Variants in ERMP1 observed in about 807,000 individuals in gnomAD.
ERMP1 encodes the protein Felix-ina.
ERMP1 carries 86 observed loss-of-function variants against 92.0 expected under a neutral mutation model. That is an observed-to-expected ratio of 0.93 (90% confidence interval 0.79 to 1.12). The LOEUF is 1.12. Ranked by LOEUF, ERMP1 falls within the 50% of genes most tolerant of loss-of-function variation. The pLI is 0.00. For missense variants in ERMP1, 1,342 were observed against 1,116.3 expected, an observed-to-expected ratio of 1.20 and a Z score of -2.88; for synonymous variants, 530 against 412.8, an observed-to-expected ratio of 1.28 and a Z score of -3.44.
chr9:5,819,796 A>G (rs1195905242), intron 4 of ERMP1, among the ~76,000 whole-genome samples: 1 of 152,198 alleles, frequency 6.6e-6, no homozygotes, highest in African/African-American at 2.4e-5. Flanking sequence ...GTATGATTAC[A>G]TTTATATGAA....
chr9:5,853,827 C>T (rs573898410), intron 6 of ERMP1, among the ~76,000 whole-genome samples: 6 of 150,416 alleles, frequency 4.0e-5, no homozygotes, highest in Non-Finnish European at 5.9e-5. Flanking sequence ...AATTCTAACA[C>T]GCTCTCTAGA....
At chr9:5,806,349 T>A (rs1344612126) in intron 8 of ERMP1, among the ~76,000 whole-genome samples, 1 of 152,264 alleles carries the variant, frequency 6.6e-6, no homozygotes, top group East Asian at 1.9e-4. Context: ...TAAAATTTGA[T>A]CTTACAGTTT....
intron 2 of ERMP1, among the ~76,000 whole-genome samples, chr9:5,825,567 C>T (rs1012109165): frequency 6.6e-6 from 1 of 152,198 alleles, no homozygotes; most frequent in Non-Finnish European, 1.5e-5. Flanking sequence ...ATTCTTTACC[C>T]GTATTCCACA....
At chr9:5,821,985 G>T (rs567243790) in intron 4 of ERMP1, among the ~76,000 whole-genome samples, 1 of 152,226 alleles carries the variant, frequency 6.6e-6, no homozygotes, top group African/African-American at 2.4e-5. Context: ...CGGGCGTGGT[G>T]GCTCGTGCCT....
At chr9:5,833,585 G>C (rs542311793), upstream of ERMP1, among the ~76,000 whole-genome samples, 5 of 152,290 alleles carry the variant, frequency 3.3e-5, no homozygotes, top group Admixed American at 2.6e-4. Context: ...CCATTTAACA[G>C]ATAAAGAAAA....
At chr9:5,827,990 A>G (rs116917270) in intron 2 of ERMP1, among the ~76,000 whole-genome samples, 3,099 of 151,512 alleles carry the variant, frequency 0.02, 167 homozygotes, top group East Asian at 0.17. Flanking sequence ...AAATAAATGA[A>G]TAAGTGAATG....
At chr9:5,855,442 G>C (rs975112326) in intron 6 of ERMP1, among the ~76,000 whole-genome samples, 1 of 152,176 alleles carries the variant, frequency 6.6e-6, no homozygotes, top group Non-Finnish European at 1.5e-5. Context: ...AGCCTTTGAG[G>C]GGATGAGGAG....
chr9:5,808,278 C>T (rs762374307), intron 8 of ERMP1, among the ~76,000 whole-genome samples: 3 of 152,258 alleles, frequency 2.0e-5, no homozygotes, highest in Non-Finnish European at 4.4e-5. Flanking sequence ...AATTTTATTA[C>T]ACATTTCTAT....
At position 5,798,864 on chromosome 9, in the gene ERMP1, C is replaced by T; in HGVS notation, c.2212G>A (p.Glu738Lys). The T allele has an allele frequency of 6.2e-7, 1 of 1,613,918 alleles. No homozygotes were observed. The highest frequency in any genetic ancestry group is 8.5e-7 in the Non-Finnish European group (1 of 1,179,878). ...AAACCACAAAGAGGTGCATTCTCCT[C>T]ACAGTGAGCTCGGATACTATCATTG... is the stretch of plus-strand genomic sequence containing the variant. Reference protein sequence around the residue: ...EINDSIRAHCEENAPLCGFPW... With the variant: ...EINDSIRAHCKENAPLCGFPW... Residue 738 changes from glutamate to lysine, a missense_variant, in exon 12 of 15, where the codon GAG (glutamate) becomes AAG (lysine). Glu to Lys is a moderately conservative substitution (Grantham distance 56). Transcript: ENST00000339450.
upstream of ERMP1, chr9:5,833,180 A>C (rs1830030142): frequency 1.4e-6 from 1 of 692,752 alleles, no homozygotes; most frequent in Non-Finnish European, 2.2e-6. Flanking sequence ...CGCCGCGCCA[A>C]GACCCAGCTT....
intron 5 of ERMP1, 124 bp downstream of exon 5, chr9:5,812,765 T>C (rs1303895149): frequency 1.9e-6 from 2 of 1,052,766 alleles, no homozygotes; most frequent in African/African-American, 1.6e-5. Context: ...AGTGAGTCAA[T>C]GTATATTTCT....
chr9:5,830,195 T>A lies in ERMP1; in HGVS notation c.640+532A>T, dbSNP rs1339742846. 2.6e-5 allele frequency among the ~76,000 whole-genome samples: 4 copies of A among 152,320 alleles called. No homozygotes were observed. In the East Asian group the frequency reaches 5.8e-4, roughly 22 times the overall value. On this transcript the variant is annotated intron_variant, in intron 2 of 14. Coordinates refer to ENST00000339450, the MANE Select transcript of ERMP1 (RefSeq NM_024896.3). ...GTAAACTTTCTTAAAACATGAGTTT[T>A]TTTTTTTAAGCTCATCAGCCATCAT...
Position 5,787,111 on chromosome 9 carries a change from C to A in ERMP1, c.*33G>T. 2 of 1,584,738 alleles carry A rather than the reference C, an allele frequency of 1.3e-6. No homozygotes were observed. Among genetic ancestry groups the A allele is most frequent in the Non-Finnish European group, 1.7e-6 (2 of 1,162,164 alleles). On this transcript the variant is annotated 3_prime_UTR_variant, in exon 15 of 15. Coordinates refer to ENST00000339450, the MANE Select transcript of ERMP1 (RefSeq NM_024896.3). ...GAGAAACCATGTCACATGGAGTATC[C>A]ACTGGGCATGTACTTAGAGCTCATC...
chr9:5,818,110 TG>T (rs1244907213), intron 4 of ERMP1, among the ~76,000 whole-genome samples: 1 of 151,076 alleles, frequency 6.6e-6, no homozygotes, highest in Non-Finnish European at 1.5e-5. Flanking sequence ...CTGTGAGCCA[TG>T]ATTGCATCAC....
At chr9:5,810,580 G>A (rs776937019) in intron 7 of ERMP1, among the ~76,000 whole-genome samples, 5 of 152,134 alleles carry the variant, frequency 3.3e-5, no homozygotes, top group Non-Finnish European at 7.4e-5. Context: ...GGAAGGCAAA[G>A]TTCCATATAA....
intron 2 of ERMP1, among the ~76,000 whole-genome samples, chr9:5,829,039 T>G (rs1586822915): frequency 6.6e-6 from 1 of 150,384 alleles, no homozygotes; most frequent in Non-Finnish European, 1.5e-5. Context: ...AGGTCAGGAG[T>G]TCAAGACCAG....
In ERMP1 at chr9:5,814,960, G is replaced by C. The variant is rs73639517; in HGVS notation, c.875-1925C>G. ...AATGAAAAAACATAACTGATGTTGC[G>C]AATTTTAATAAATGGGCTTAACACA... is the stretch of plus-strand genomic sequence containing the variant. On this transcript the variant is annotated intron_variant, in intron 4 of 14. Transcript: ENST00000339450. Among the ~76,000 whole-genome samples the C allele has an allele frequency of 8.8e-3, 1,346 of 152,102 alleles. 22 individuals are homozygous for C. The highest frequency in any genetic ancestry group is 0.03 in the African/African-American group (1,237 of 41,470).
At chr9:5,828,926 T>C (rs1829827872) in intron 2 of ERMP1, among the ~76,000 whole-genome samples, 1 of 152,104 alleles carries the variant, frequency 6.6e-6, no homozygotes, top group Admixed American at 6.5e-5. Context: ...GTGACATTTA[T>C]TACTGCTTTG....
At chr9:5,809,960 T>G in intron 8 of ERMP1, 51 bp downstream of exon 8, 1 of 1,277,134 alleles carries the variant, frequency 7.8e-7, no homozygotes, top group Non-Finnish European at 1.1e-6. Flanking sequence ...AAGTTCATCT[T>G]CAGTCCCTGG....
Sources: allele counts gnomAD v4.1 joint callset (sites outside exome capture counted in the v4.1 genomes callset), GRCh38; gene constraint gnomAD v4.1.1; transcripts MANE v1.5; gene names NCBI Gene and HGNC (gene_info 2026-07-23, HGNC 2026-07-21).